GRM1: variants seen among roughly 807,000 people sequenced by gnomAD.
GRM1 encodes the protein metabotropic glutamate receptor 1.
Under a neutral mutation model 90.9 loss-of-function variants are expected in GRM1, and 33 were observed. The ratio of observed to expected loss-of-function variants is 0.36; its 90% confidence interval spans 0.28 to 0.49. The LOEUF (loss-of-function observed/expected upper bound fraction) is 0.49. Ranked by LOEUF, GRM1 falls within the 20% of genes least tolerant of loss-of-function variation. The pLI, the probability that GRM1 is intolerant of heterozygous loss-of-function variation, is 0.99. For synonymous variants in GRM1, 700 were observed against 613.2 expected, an observed-to-expected ratio of 1.14 and a Z score of -2.09; for missense variants, 1,190 against 1,534.3, an observed-to-expected ratio of 0.78 and a Z score of 3.75.
At chr6:146,190,707 T>C (rs1167971916) in intron 2 of GRM1, among the ~76,000 whole-genome samples, 1 of 152,206 alleles carries the variant, frequency 6.6e-6, no homozygotes, top group Non-Finnish European at 1.5e-5. Context: ...GTTTTTTGGC[T>C]CTGTCTCCTC....
chr6:146,245,527 T>C (rs910364036), intron 2 of GRM1, among the ~76,000 whole-genome samples: 1 of 152,162 alleles, frequency 6.6e-6, no homozygotes, highest in Admixed American at 6.6e-5. Flanking sequence ...AAATAGGTGG[T>C]TTTAAAAGTC....
intron 3 of GRM1, chr6:146,340,449 C>T (rs1033046492): frequency 2.0e-5 from 3 of 152,326 alleles, no homozygotes; most frequent in Admixed American, 2.0e-4. Context: ...TGAATGCTCC[C>T]GATCTCGTCT....
At chr6:146,049,805 G>A (rs982920136) in intron 1 of GRM1, among the ~76,000 whole-genome samples, 2 of 151,820 alleles carry the variant, frequency 1.3e-5, no homozygotes, top group Non-Finnish European at 2.9e-5. Context: ...TATTTATTGT[G>A]TGCCAAACAC....
At position 146,233,643 on chromosome 6, in the gene GRM1, T is replaced by C. The variant is rs1185705313; in HGVS notation, c.951-70968T>C. Reference sequence around the variant, plus strand: ...CTTCTGTTACTAATTTCTAGTTTATTTTACTCATAATCCAAATACATACTT... The same window carrying C: ...CTTCTGTTACTAATTTCTAGTTTATCTTACTCATAATCCAAATACATACTT... On this transcript the variant is annotated intron_variant, in intron 2 of 7. Coordinates refer to ENST00000282753, the MANE Select transcript of GRM1 (RefSeq NM_001278064.2). 2.0e-5 allele frequency among the ~76,000 whole-genome samples: 3 copies of C among 152,166 alleles called. No individual in the cohort carries two copies. In the East Asian group the frequency reaches 5.8e-4, roughly 29 times the overall value.
At chr6:146,414,383 A>ATTATTATTG (rs1319822152) in intron 7 of GRM1, among the ~76,000 whole-genome samples, 22 of 148,254 alleles carry the variant, frequency 1.5e-4, no homozygotes, top group African/African-American at 5.2e-4. Context: ...GCCTTTTATT[A>ATTATTATTG]TTATTATTAT....
intron 6 of GRM1, among the ~76,000 whole-genome samples, chr6:146,390,950 G>C (rs978046742): frequency 1.3e-4 from 20 of 151,998 alleles, no homozygotes; most frequent in Admixed American, 1.3e-4. Context: ...ATTACAAACA[G>C]AATTTCACCT....
rs905449859 is a variant in GRM1 at position 146,246,009 on chromosome 6, C to G, written c.951-58602C>G. Among the ~76,000 whole-genome samples the G allele has an allele frequency of 9.8e-5, 15 of 152,310 alleles. No individual in the cohort carries two copies. The South Asian group carries it at 1.2e-3, about 13-fold the overall frequency. On this transcript the variant is annotated intron_variant, in intron 2 of 7. Transcript: ENST00000282753. Reference sequence around the variant, plus strand: ...AAATATGTAGCTTCTGATGTACACTCTTATTCTAAATATAGATAAATTAAA... The same window carrying G: ...AAATATGTAGCTTCTGATGTACACTGTTATTCTAAATATAGATAAATTAAA...
intron 3 of GRM1, among the ~76,000 whole-genome samples, chr6:146,345,107 A>G (rs1215194449): frequency 1.3e-5 from 2 of 152,214 alleles, no homozygotes; most frequent in African/African-American, 4.8e-5. Flanking sequence ...CACCAAGCCC[A>G]GCCAAAATCC....
rs141396550 is a variant in GRM1, at chr6:146,421,397, G to A, written c.2661-12475G>A. Among the ~76,000 whole-genome samples the A allele has an allele frequency of 9.1e-3, 1,388 of 152,098 alleles. 23 individuals are homozygous for A. The highest frequency in any genetic ancestry group is 0.027 in the Middle Eastern group (8 of 292). The stretch of plus-strand genomic sequence containing the variant: ...ATACCGTGCAAAAAGGGAAATTGTT[G>A]AATGGAAATGTAATGTCAAGTATAT... On this transcript the variant is annotated intron_variant, in intron 7 of 7. Transcript: ENST00000282753.
chr6:146,321,466 T>C (rs1330762075), intron 3 of GRM1, among the ~76,000 whole-genome samples: 1 of 152,228 alleles, frequency 6.6e-6, no homozygotes, highest in Non-Finnish European at 1.5e-5. Context: ...TGGAGAGTTC[T>C]GTGGATGTCT....
chr6:146,198,109 A>G (rs1293482727), intron 2 of GRM1, among the ~76,000 whole-genome samples: 1 of 152,218 alleles, frequency 6.6e-6, no homozygotes, highest in African/African-American at 2.4e-5. Context: ...CACATATTCA[A>G]ACTCATCAAA....
intron 3 of GRM1, among the ~76,000 whole-genome samples, chr6:146,345,312 A>T (rs1467736964): frequency 6.6e-6 from 1 of 152,232 alleles, no homozygotes; most frequent in African/African-American, 2.4e-5. Context: ...TAAGTGCAAC[A>T]TCTTGTCAAG....
At chr6:146,136,217 T>C (rs1179696016) in intron 1 of GRM1, among the ~76,000 whole-genome samples, 2 of 152,228 alleles carry the variant, frequency 1.3e-5, no homozygotes, top group African/African-American at 4.8e-5. Flanking sequence ...ATCTTAGTCA[T>C]GGTAAATAGT....
chr6:146,256,944 C>T (rs911235565), intron 2 of GRM1, among the ~76,000 whole-genome samples: 4 of 152,138 alleles, frequency 2.6e-5, no homozygotes, highest in East Asian at 1.9e-4. Flanking sequence ...TTTTGTGTTA[C>T]TCCATGCTCC....
At chr6:146,310,488 AAG>A (rs1270744972) in intron 3 of GRM1, among the ~76,000 whole-genome samples, 17 of 152,102 alleles carry the variant, frequency 1.1e-4, no homozygotes, top group Admixed American at 1.1e-3. Context: ...TTCAACCCAG[AAG>A]TTGGTATTAT....
chr6:146,331,412 A>T (rs945666026), intron 3 of GRM1, among the ~76,000 whole-genome samples: 2 of 152,196 alleles, frequency 1.3e-5, no homozygotes, highest in Admixed American at 6.5e-5. Context: ...AATGGATAGT[A>T]AACAAGAAAT....
intron 1 of GRM1, among the ~76,000 whole-genome samples, chr6:146,134,047 G>A (rs775587254): frequency 2.6e-5 from 4 of 152,184 alleles, no homozygotes; most frequent in Non-Finnish European, 5.9e-5. Flanking sequence ...GCACTTCATT[G>A]ACTTGGGCTT....
At chr6:146,423,957 G>T (rs969332512) in intron 7 of GRM1, among the ~76,000 whole-genome samples, 2 of 152,148 alleles carry the variant, frequency 1.3e-5, no homozygotes, top group Non-Finnish European at 2.9e-5. Flanking sequence ...GTGTTCCCTT[G>T]TGTGGGGCAA....
intron 2 of GRM1, among the ~76,000 whole-genome samples, chr6:146,226,301 A>G (rs1292733381): frequency 2.0e-5 from 3 of 152,124 alleles, no homozygotes; most frequent in Non-Finnish European, 4.4e-5. Context: ...TTTGGTAGGC[A>G]TGTTGCAATT....
Sources: gnomAD v4.1 joint callset for allele counts (sites outside exome capture counted in the v4.1 genomes callset) on GRCh38, gnomAD v4.1.1 for gene constraint, MANE v1.5 for transcripts, NCBI Gene and HGNC (gene_info 2026-07-23, HGNC 2026-07-21) for gene names.